NRXN1: variants seen among roughly 807,000 people sequenced by gnomAD.
NRXN1 encodes neurexin-1.
Under a neutral mutation model 150.9 loss-of-function variants are expected in NRXN1, and 39 were observed. The ratio of observed to expected loss-of-function variants is 0.26; its 90% CI spans 0.20 to 0.34. NRXN1 has a LOEUF of 0.34. Ranked by LOEUF, NRXN1 falls within the 10% of genes least tolerant of loss-of-function variation. NRXN1 has a pLI of 1.00. For synonymous variants in NRXN1, 924 were observed against 757.0 expected, an observed-to-expected ratio of 1.22 and a Z score of -3.62; for missense variants, 1,815 against 1,949.9, an observed-to-expected ratio of 0.93 and a Z score of 1.30.
chr2:50,906,568 T>G lies in NRXN1; in HGVS notation c.832+15301A>C, dbSNP rs139807163. On this transcript the variant is annotated intron_variant, in intron 5 of 22. Transcript: ENST00000401669. ...TTTTCTTATCTTTGGTTCTGCATTT[T>G]TTAAATCTGTTCTCTTGCCAGAATA... Among the ~76,000 whole-genome samples, 623 of 152,250 alleles carry G rather than the reference T, an allele frequency of 4.1e-3. 5 individuals carry two copies. The highest frequency in any genetic ancestry group is 0.014 in the African/African-American group (570 of 41,568).
intron 10 of NRXN1, 94 bp downstream of exon 10, chr2:50,538,159 T>G: frequency 7.2e-7 from 1 of 1,384,498 alleles, no homozygotes; most frequent in Non-Finnish European, 9.8e-7. Context: ...CAGTAGAGTA[T>G]ACATTACGTT....
At chr2:51,030,117 TC>T (rs992207140) in intron 1 of NRXN1, among the ~76,000 whole-genome samples, 2 of 150,708 alleles carry the variant, frequency 1.3e-5, no homozygotes, top group African/African-American at 2.5e-5. Flanking sequence ...CTGATTTTTT[TC>T]CTAAGTCATT....
intron 17 of NRXN1, among the ~76,000 whole-genome samples, chr2:50,370,904 T>C (rs1009828006): frequency 3.3e-5 from 5 of 152,028 alleles, no homozygotes; most frequent in Admixed American, 6.6e-5. Flanking sequence ...AAAGACAGTC[T>C]TGTGTGAACT....
chr2:50,905,412 C>A (rs1465369343), intron 5 of NRXN1, among the ~76,000 whole-genome samples: 1 of 152,042 alleles, frequency 6.6e-6, no homozygotes, highest in Non-Finnish European at 1.5e-5. Context: ...AGTAAGAGAG[C>A]CTAGGGAAAA....
intron 21 of NRXN1, among the ~76,000 whole-genome samples, chr2:50,008,938 G>C (rs1383547414): frequency 2.0e-5 from 3 of 152,076 alleles, no homozygotes; most frequent in African/African-American, 7.2e-5. Context: ...GTTTTTAAGA[G>C]TTGATAAATT....
intron 5 of NRXN1, among the ~76,000 whole-genome samples, chr2:50,831,515 A>C (rs1671404139): frequency 6.6e-6 from 1 of 152,164 alleles, no homozygotes; most frequent in African/African-American, 2.4e-5. Context: ...GGGGCTTCTG[A>C]AACTCTGGTG....
chr2:50,688,150 T>C (rs1044040256), intron 5 of NRXN1, among the ~76,000 whole-genome samples: 3 of 152,164 alleles, frequency 2.0e-5, no homozygotes, highest in African/African-American at 4.8e-5. Flanking sequence ...ATCTACCCAC[T>C]TCACTTCCAT....
At chr2:50,119,620 G>C (rs1046844171) in intron 18 of NRXN1, among the ~76,000 whole-genome samples, 1 of 151,676 alleles carries the variant, frequency 6.6e-6, no homozygotes, top group Non-Finnish European at 1.5e-5. Context: ...TTTCTTCCAG[G>C]TTGAGTGAAA....
chr2:50,225,997 C>A (rs2064339785), intron 18 of NRXN1, among the ~76,000 whole-genome samples: 1 of 151,910 alleles, frequency 6.6e-6, no homozygotes, highest in Non-Finnish European at 1.5e-5. Flanking sequence ...ATTACACAGA[C>A]CAAAAGGCAG....
chr2:50,659,063 C>T (rs1161644568), intron 5 of NRXN1, among the ~76,000 whole-genome samples: 1 of 151,990 alleles, frequency 6.6e-6, no homozygotes, highest in African/African-American at 2.4e-5. Flanking sequence ...TGCCCTCTGG[C>T]CCTTTTTCAG....
chr2:50,676,931 G>T (rs1276102207), intron 5 of NRXN1, among the ~76,000 whole-genome samples: 1 of 152,110 alleles, frequency 6.6e-6, no homozygotes, highest in Non-Finnish European at 1.5e-5. Context: ...AGGCCATGAA[G>T]GTGGTAAGTG....
At chr2:50,817,864 G>A (rs529063559) in intron 5 of NRXN1, among the ~76,000 whole-genome samples, 1 of 151,798 alleles carries the variant, frequency 6.6e-6, no homozygotes, top group South Asian at 2.1e-4. Context: ...CATAATAAAG[G>A]CCATATGTGA....
chr2:50,232,428 C>T (rs2065032792), intron 18 of NRXN1, among the ~76,000 whole-genome samples: 1 of 136,532 alleles, frequency 7.3e-6, no homozygotes, highest in Non-Finnish European at 1.5e-5. Context: ...CACTCTGTTG[C>T]CAGGCTGGAG....
At chr2:50,137,008 G>A (rs1248724485) in intron 18 of NRXN1, among the ~76,000 whole-genome samples, 1 of 152,082 alleles carries the variant, frequency 6.6e-6, no homozygotes, top group East Asian at 1.9e-4. Flanking sequence ...ATACACCAAA[G>A]AATCTATAGA....
intron 12 of NRXN1, among the ~76,000 whole-genome samples, chr2:50,521,141 A>C (rs114583745): frequency 2.6e-5 from 4 of 152,160 alleles, no homozygotes; most frequent in East Asian, 1.9e-4. Flanking sequence ...TAATGGGTGC[A>C]CTTCACTAGA....
chr2:50,135,216 T>C (rs1390006955), intron 18 of NRXN1, among the ~76,000 whole-genome samples: 1 of 152,198 alleles, frequency 6.6e-6, no homozygotes, highest in Non-Finnish European at 1.5e-5. Flanking sequence ...GGCACTCTAC[T>C]AGATGCTGGG....
intron 2 of NRXN1, among the ~76,000 whole-genome samples, chr2:50,964,270 C>T (rs1237161722): frequency 2.6e-5 from 4 of 151,396 alleles, no homozygotes; most frequent in Admixed American, 1.3e-4. Flanking sequence ...GTATTTTATT[C>T]TTGGCAATGG....
intron 17 of NRXN1, among the ~76,000 whole-genome samples, chr2:50,435,505 T>C (rs1312968009): frequency 6.6e-6 from 1 of 152,198 alleles, no homozygotes; most frequent in African/African-American, 2.4e-5. Context: ...TAGTATTCCA[T>C]GGTATATATG....
intron 8 of NRXN1, among the ~76,000 whole-genome samples, chr2:50,610,754 TTA>T (rs5831144): frequency 0.016 from 1,986 of 127,862 alleles, 43 homozygotes; most frequent in African/African-American, 0.049. Flanking sequence ...GTAATTATAT[TTA>T]TATATATATA....
Sources: gnomAD v4.1 joint callset for allele counts (sites outside exome capture counted in the v4.1 genomes callset) on GRCh38, gnomAD v4.1.1 for gene constraint, MANE v1.5 for transcripts, NCBI Gene and HGNC (gene_info 2026-07-23, HGNC 2026-07-21) for gene names.